The following IFI16 variants were observed in gnomAD, a reference collection of about 807,000 sequenced individuals.
IFI16 encodes interferon gamma inducible protein 16, also known as gamma-interferon-inducible protein 16.
Under a neutral mutation model 68.4 loss-of-function variants are expected in IFI16, and 49 were observed. The observed-to-expected ratio is 0.72, with a 90% CI of 0.57 to 0.91. The LOEUF (loss-of-function observed/expected upper bound fraction) is 0.91, where lower values mean the gene tolerates loss of function less well. Ranked by LOEUF, IFI16 falls within the 40% of genes least tolerant of loss-of-function variation. IFI16 has a pLI of 0.00. For synonymous variants in IFI16, 307 were observed against 315.0 expected, an observed-to-expected ratio of 0.97 and a Z score of 0.27; for missense variants, 878 against 942.9, an observed-to-expected ratio of 0.93 and a Z score of 0.90.
chr1:159,011,414 T>C (rs1652552611), intron 1 of IFI16, among the ~76,000 whole-genome samples: 1 of 151,880 alleles, frequency 6.6e-6, no homozygotes, highest in Non-Finnish European at 1.5e-5. Context: ...TTCTTTGTAG[T>C]GCTCTCACAA....
At chr1:159,012,159 G>A (rs1652609843) in intron 1 of IFI16, among the ~76,000 whole-genome samples, 1 of 152,050 alleles carries the variant, frequency 6.6e-6, no homozygotes, top group African/African-American at 2.4e-5. Context: ...CTTGTGGTAT[G>A]AGTCTTTGTC....
chr1:159,035,393 A>T (rs943030808), intron 7 of IFI16, among the ~76,000 whole-genome samples: 5 of 152,056 alleles, frequency 3.3e-5, no homozygotes, highest in African/African-American at 7.2e-5. Flanking sequence ...TGCTTTTATC[A>T]CTCATATTTC....
Position 159,016,625 on chromosome 1 carries a change from C to A in IFI16, c.474C>A (p.Gly158=), listed in dbSNP as rs1652946860. 3 of 1,613,992 alleles carry A rather than the reference C, an allele frequency of 1.9e-6. No homozygotes were observed. The highest frequency in any genetic ancestry group is 8.5e-7 in the Non-Finnish European group (1 of 1,179,964). The part of the protein sequence containing the change: ...QTQPPSPAGA[G]MSTAMGRSPS... ...AGCCTCCCTCTCCTGCAGGAGCCGG[C>A]ATGTCCACAGCCATGGGCCGTTCCC... The change falls in exon 4 of 12, where the codon GGC becomes GGA. Residue 158 remains glycine (G), a synonymous_variant. Coordinates refer to ENST00000295809, the MANE Select transcript of IFI16 (RefSeq NM_001376587.1).
rs978437215 is a variant in IFI16 at position 159,051,917 on chromosome 1, A to T, written c.1904A>T (p.Tyr635Phe). The change falls in exon 10 of 12, where the codon TAT becomes TTT. Residue 635 changes from tyrosine (Y) to phenylalanine (F), a missense_variant. Coordinates refer to ENST00000295809, the MANE Select transcript of IFI16 (RefSeq NM_001376587.1). ...TPKKIIAIAN[Y>F]VCRNGFLEVY... is the part of the protein sequence containing the mutation. ...AAGAAGATCATTGCCATAGCAAATT[A>T]TGTTTGCCGCAATGGGTTCCTGGAG... 2 of 1,614,112 alleles carry T rather than the reference A, an allele frequency of 1.2e-6. No homozygotes were observed. The highest frequency in any genetic ancestry group is 2.2e-5 in the South Asian group (2 of 91,086).
At chr1:159,028,945 G>C (rs1357643086) in intron 6 of IFI16, among the ~76,000 whole-genome samples, 1 of 152,062 alleles carries the variant, frequency 6.6e-6, no homozygotes, top group Non-Finnish European at 1.5e-5. Context: ...TCATTTTGCT[G>C]TTCTGTATGC....
upstream of IFI16, among the ~76,000 whole-genome samples, chr1:159,007,084 G>A (rs149379083): frequency 2.4e-3 from 364 of 152,300 alleles, 2 homozygotes; most frequent in South Asian, 0.026. Flanking sequence ...AACCAAGTGT[G>A]ACGAAAAAGA....
upstream of IFI16, among the ~76,000 whole-genome samples, chr1:159,001,609 G>C (rs1478322123): frequency 6.6e-6 from 1 of 152,088 alleles, no homozygotes; most frequent in African/African-American, 2.4e-5. Context: ...TGAAAGAAAA[G>C]AAGGAAATTT....
At chr1:159,041,332 C>T (rs1160530059) in intron 7 of IFI16, among the ~76,000 whole-genome samples, 1 of 152,148 alleles carries the variant, frequency 6.6e-6, no homozygotes, top group Non-Finnish European at 1.5e-5. Flanking sequence ...CCTGTGATTA[C>T]GATTGAGAAT....
In IFI16 at chr1:159,042,796, T is replaced by A. The variant is rs578148558; in HGVS notation, c.1330-2501T>A. ...GACAACACAGGGGTGGGAAAGTGAGTTTACACTTGTGTGTTGTCAACACTT... is the reference window on the plus strand; with the variant it reads ...GACAACACAGGGGTGGGAAAGTGAGATTACACTTGTGTGTTGTCAACACTT... On this transcript the variant is annotated intron_variant, in intron 7 of 11. Coordinates refer to ENST00000295809, the MANE Select transcript of IFI16 (RefSeq NM_001376587.1). Among the ~76,000 whole-genome samples the A allele has an allele frequency of 2.2e-5, 3 of 138,536 alleles. No individual in the cohort carries two copies. In the East Asian group the frequency reaches 6.4e-4, roughly 30 times the overall value. 90.9% of individuals were successfully genotyped at this position (138,536 alleles called of 152,430 possible). A position where few individuals can be genotyped will look rare whatever the true frequency, so the allele number is the denominator to read the frequency against.
rs1328117026 is a variant in IFI16 at position 159,045,336 on chromosome 1, A to C, written c.1369A>C (p.Arg457=). The change falls in exon 8 of 12, where the codon AGG becomes CGG. Residue 457 remains arginine, a synonymous_variant. Coordinates refer to ENST00000295809, the MANE Select transcript of IFI16 (RefSeq NM_001376587.1). The part of the protein sequence containing the change: ...DTISKMNDFM[R]MQILKEGSHF... ...AATCTCCAAAATGAATGACTTCATG[A>C]GGATGCAGATACTGAAGGAAGGGAG... 2.0e-6 allele frequency: 3 copies of C among 1,499,300 alleles called. No homozygotes were observed. Among genetic ancestry groups the C allele is most frequent in the Non-Finnish European group, 2.8e-6 (3 of 1,084,652 alleles). The allele number at this position is 1,499,300 out of a possible 1,614,324, so 92.9% of individuals were successfully genotyped here. A position where few individuals can be genotyped will look rare whatever the true frequency, so the allele number is the denominator to read the frequency against.
At position 159,018,625 on chromosome 1, in the gene IFI16, G is replaced by A; in HGVS notation, c.946G>A (p.Val316Ile). 6.2e-7 allele frequency: 1 copy of A among 1,611,072 alleles called. No homozygotes were observed. The highest frequency in any genetic ancestry group is 8.5e-7 in the Non-Finnish European group (1 of 1,178,696). The change falls in exon 5 of 12, where the codon GTA (valine) becomes ATA (isoleucine). Residue 316 changes from valine (V) to isoleucine (I), a missense_variant. Val to Ile is a conservative substitution (Grantham distance 29). This residue lies in a region of IFI16 where 443 missense variants were observed against 421.8 expected (regional missense o/e 1.05). Coordinates refer to ENST00000295809, the MANE Select transcript of IFI16 (RefSeq NM_001376587.1). ...ILHKQASGNI[V>I]YGVFMLHKKT... ...TCACAAACAAGCTTCAGGAAATATT[G>A]TATATGGGGTATTTATGCTACATAA...
intron 6 of IFI16, among the ~76,000 whole-genome samples, chr1:159,030,882 G>GC (rs1557872330): frequency 1.4e-5 from 2 of 145,042 alleles, no homozygotes; most frequent in African/African-American, 5.1e-5. Context: ...TGGGTGGGGG[G>GC]GCCACAGAGC....
chr1:159,026,455 C>T (rs1042403468), intron 6 of IFI16, among the ~76,000 whole-genome samples: 5 of 151,986 alleles, frequency 3.3e-5, no homozygotes, highest in African/African-American at 7.3e-5. Context: ...CTTGCCACCA[C>T]GCCTGGCTAA....
At chr1:159,016,781 G>T (rs1652960090) in intron 4 of IFI16, 81 bp downstream of exon 4, 2 of 1,282,432 alleles carry the variant, frequency 1.6e-6, no homozygotes, top group Non-Finnish European at 1.1e-6. Flanking sequence ...CTTAAAAATT[G>T]CATCGATAAT....
At chr1:159,011,674 T>C (rs1652576970) in intron 1 of IFI16, among the ~76,000 whole-genome samples, 3 of 152,154 alleles carry the variant, frequency 2.0e-5, no homozygotes, top group Admixed American at 2.0e-4. Context: ...TATCATGTGG[T>C]ATCTGAAGTT....
chr1:159,020,281 C>A, intron 5 of IFI16, 60 bp from the exon 6 acceptor site: 1 of 1,253,876 alleles, frequency 8.0e-7, no homozygotes, highest in Non-Finnish European at 1.2e-6. Flanking sequence ...GGGACTTCAG[C>A]CTATATGTGG....
chr1:159,022,553 A>G (rs1391284592), intron 6 of IFI16, among the ~76,000 whole-genome samples: 1 of 152,132 alleles, frequency 6.6e-6, no homozygotes, highest in Non-Finnish European at 1.5e-5. Flanking sequence ...AGAACTTTTT[A>G]AAAGAGGCAA....
chr1:159,047,807 C>T (rs540024908), intron 8 of IFI16, among the ~76,000 whole-genome samples: 1 of 150,052 alleles, frequency 6.7e-6, no homozygotes, highest in East Asian at 2.0e-4. Flanking sequence ...AATTCAAAGC[C>T]GGAAACAGAC....
intron 1 of IFI16, among the ~76,000 whole-genome samples, chr1:159,014,426 C>T (rs1376054567): frequency 6.6e-6 from 1 of 151,594 alleles, no homozygotes; most frequent in East Asian, 1.9e-4. Flanking sequence ...AGACCTCCCT[C>T]TAACAACTGG....
Sources: gnomAD v4.1 joint callset for allele counts (sites outside exome capture counted in the v4.1 genomes callset) on GRCh38, gnomAD v4.1.1 for gene constraint, gnomAD v4.1.1 regional missense constraint, MANE v1.5 for transcripts, NCBI Gene and HGNC (gene_info 2026-07-23, HGNC 2026-07-21) for gene names.